Variants in SAP130 observed in about 807,000 individuals in gnomAD.
The protein encoded by SAP130 is Sin3A associated protein 130.
SAP130 carries 16 observed loss-of-function variants against 103.2 expected under a neutral mutation model. The observed-to-expected ratio is 0.16, with a 90% CI of 0.10 to 0.24. The LOEUF (loss-of-function observed/expected upper bound fraction) is 0.24, where lower values mean the gene tolerates loss of function less well. Among genes scored for constraint, SAP130 ranks in the 10% least tolerant of loss-of-function variants. The pLI is 1.00. For missense variants in SAP130, 990 were observed against 1,359.7 expected, an observed-to-expected ratio of 0.73 and a Z score of 4.28; for synonymous variants, 477 against 497.0, an observed-to-expected ratio of 0.96 and a Z score of 0.53.
intron 7 of SAP130, among the ~76,000 whole-genome samples, chr2:128,001,190 A>C (rs1683533765): frequency 6.6e-6 from 1 of 152,230 alleles, no homozygotes; most frequent in Admixed American, 6.5e-5. Context: ...GTAGCAAGCT[A>C]CTGAAATGGC....
At chr2:128,001,353 G>A (rs773897819) in intron 7 of SAP130, among the ~76,000 whole-genome samples, 2 of 152,332 alleles carry the variant, frequency 1.3e-5, no homozygotes, top group Admixed American at 6.5e-5. Flanking sequence ...CTGGGCGACA[G>A]AGTGAGACCC....
At chr2:127,993,390 T>C (rs994415184) in intron 11 of SAP130, 82 bp from the exon 12 acceptor site, 9 of 1,440,836 alleles carry the variant, frequency 6.2e-6, no homozygotes, top group African/African-American at 1.4e-5. Context: ...AGTTCCTCTT[T>C]GTGTCCTTCA....
At chr2:128,012,472 A>G (rs1280784773) in intron 6 of SAP130, among the ~76,000 whole-genome samples, 1 of 152,170 alleles carries the variant, frequency 6.6e-6, no homozygotes, top group African/African-American at 2.4e-5. Flanking sequence ...TGTCTCAAAA[A>G]ACAAAAACAA....
intron 7 of SAP130, among the ~76,000 whole-genome samples, chr2:128,004,386 T>C (rs915452294): frequency 5.6e-5 from 8 of 141,776 alleles, no homozygotes; most frequent in Non-Finnish European, 9.1e-5. Context: ...TTTTTTTTTT[T>C]TTAAAGCGAT....
intron 19 of SAP130, 49 bp downstream of exon 19, chr2:127,945,407 G>A (rs1277062857): frequency 1.8e-6 from 2 of 1,121,452 alleles, no homozygotes; most frequent in Admixed American, 3.4e-5. Context: ...TATCTGCAGT[G>A]TCTTCTCCTC....
At chr2:128,021,347 C>T (rs1472958182) in intron 2 of SAP130, among the ~76,000 whole-genome samples, 1 of 150,358 alleles carries the variant, frequency 6.7e-6, no homozygotes, top group African/African-American at 2.4e-5. Flanking sequence ...CTTGGGAGGC[C>T]GAGGCAGCAG....
Position 127,951,143 on chromosome 2 carries a change from C to A in SAP130, c.2423-735G>T, listed in dbSNP as rs539620151. ...GTCACACAAGTATGAAGTGGGCAAG[C>A]TGGGATTGACAGAGGCAGTCTGGCT... On this transcript the variant is annotated intron_variant, in intron 16 of 20. Coordinates refer to ENST00000643581, the MANE Select transcript of SAP130 (RefSeq NM_001330301.2). Among the ~76,000 whole-genome samples the A allele has an allele frequency of 7.9e-5, 12 of 152,276 alleles. No individual in the cohort carries two copies. In the East Asian group the frequency reaches 2.3e-3, roughly 29 times the overall value.
chr2:127,971,735 T>A (rs1681108109), intron 15 of SAP130, among the ~76,000 whole-genome samples: 1 of 152,142 alleles, frequency 6.6e-6, no homozygotes, highest in African/African-American at 2.4e-5. Flanking sequence ...ACTCCAGGAG[T>A]CTTTTGTATT....
chr2:127,948,328 GTTTTTTTTTTT>G lies in SAP130; in HGVS notation c.2797+1530_2797+1540del, dbSNP rs71307269. On this transcript the variant is annotated intron_variant, in intron 18 of 20. Transcript: ENST00000643581. Reference sequence around the variant, plus strand: ...TTTGTTTCTCTTTTCTTTCCTGTGAGTTTTTTTTTTTTTTTTTTTTTTTGAGACAGAGTCTT... The same window carrying G: ...TTTGTTTCTCTTTTCTTTCCTGTGAGTTTTTTTTTTTTGAGACAGAGTCTT... 4.9e-5 allele frequency among the ~76,000 whole-genome samples: 5 copies of G among 101,544 alleles called. No homozygotes were observed. The South Asian group carries it at 9.6e-4, about 20-fold the overall frequency. The allele number at this position is 101,544 out of a possible 152,430, so 66.6% of individuals were successfully genotyped here. A position where few individuals can be genotyped will look rare whatever the true frequency, so the allele number is the denominator to read the frequency against.
At chr2:127,952,036 C>A (rs1233274926) in intron 16 of SAP130, among the ~76,000 whole-genome samples, 5 of 152,240 alleles carry the variant, frequency 3.3e-5, no homozygotes, top group Non-Finnish European at 7.3e-5. Flanking sequence ...ACACAAATCC[C>A]ACCCACTCTC....
At chr2:127,957,239 T>C (rs1407978138) in intron 15 of SAP130, among the ~76,000 whole-genome samples, 1 of 152,038 alleles carries the variant, frequency 6.6e-6, no homozygotes, top group African/African-American at 2.4e-5. Flanking sequence ...GAGTCTGAAG[T>C]TGCAATGAGC....
intron 14 of SAP130, among the ~76,000 whole-genome samples, chr2:127,979,296 C>A (rs1049187054): frequency 6.6e-6 from 1 of 152,124 alleles, no homozygotes; most frequent in African/African-American, 2.4e-5. Context: ...GGGGAACTGA[C>A]CCTGATGACA....
rs1379422219 is a variant in SAP130, at chr2:127,955,167, G to A, written c.2241C>T (p.Ala747=). 4.3e-6 allele frequency: 7 copies of A among 1,614,034 alleles called. No individual in the cohort carries two copies. Among genetic ancestry groups the A allele is most frequent in the Non-Finnish European group, 5.9e-6 (7 of 1,180,042 alleles). ...CTCCAGGAATGGTTGAAAGGGCAAC[G>A]GCTGGTTGTGACGGGGGACTGGCTG... ...IAAASPPSQP[A]VALSTIPGAV... The change falls in exon 16 of 21, where the codon GCC becomes GCT. Residue 747 remains alanine (A), a synonymous_variant. Coordinates refer to ENST00000643581, the MANE Select transcript of SAP130 (RefSeq NM_001330301.2). The surrounding 1 kb of genome is among the most constrained non-coding windows in gnomAD (Gnocchi z 4.9).
intron 7 of SAP130, among the ~76,000 whole-genome samples, chr2:128,001,638 C>G (rs754164908): frequency 6.6e-5 from 10 of 152,140 alleles, no homozygotes; most frequent in Non-Finnish European, 1.3e-4. Flanking sequence ...CAACTGCCTA[C>G]AGTATTCAGT....
In SAP130 at chr2:127,942,661, C is replaced by T. The variant is rs17015685; in HGVS notation, c.2902-124G>A. On this transcript the variant is annotated intron_variant, in intron 19 of 20. Transcript: ENST00000643581. The surrounding 1 kb of genome is among the most constrained non-coding windows in gnomAD (Gnocchi z 4.8). ...CTAAGAGTTGTTTGGGTGACAACGT[C>T]CTTTCTCCTAAGGACTAAGATACTA... 66,262 of 643,952 alleles carry T rather than the reference C, an allele frequency of 0.1. 4,202 individuals carry two copies. Among genetic ancestry groups the T allele is most frequent in the South Asian group, 0.21 (11,273 of 53,850 alleles). The allele number at this position is 643,952 out of a possible 1,614,324, so 39.9% of individuals were successfully genotyped here.
At chr2:127,971,718 G>A (rs1201202935) in intron 15 of SAP130, among the ~76,000 whole-genome samples, 1 of 152,080 alleles carries the variant, frequency 6.6e-6, no homozygotes, top group African/African-American at 2.4e-5. Flanking sequence ...TTCATGTTTT[G>A]CCATTTACTC....
chr2:127,987,101 GAGC>G, intron 13 of SAP130, 139 bp from the exon 14 acceptor site: 1 of 717,940 alleles, frequency 1.4e-6, no homozygotes. Context: ...TAAGGGACAG[GAGC>G]ACAATGTTCA....
At position 127,941,798 on chromosome 2, in the gene SAP130, C is replaced by T; in HGVS notation, c.*208G>A. 7 of 557,804 alleles carry T rather than the reference C, an allele frequency of 1.3e-5. No homozygotes were observed. The highest frequency in any genetic ancestry group is 3.6e-5 in the Admixed American group (1 of 27,750). The allele number at this position is 557,804 out of a possible 1,614,324, so 34.6% of individuals were successfully genotyped here. On this transcript the variant is annotated 3_prime_UTR_variant, in exon 21 of 21. Transcript: ENST00000643581. ...ACACAGATCAGGTTTAACAGGGGTG[C>T]ACCCGAACGCAAGAAGGCAGCTCAC... is the stretch of plus-strand genomic sequence containing the variant.
In SAP130 at chr2:127,941,744, G is replaced by T; in HGVS notation, c.*262C>A. Reference sequence around the variant, plus strand: ...ATCCTTGTCATTGCTTCCAACTGGTGGACACTGATGCATCCGGAGTCACTT... The same window carrying T: ...ATCCTTGTCATTGCTTCCAACTGGTTGACACTGATGCATCCGGAGTCACTT... On this transcript the variant is annotated 3_prime_UTR_variant, in exon 21 of 21. Transcript: ENST00000643581. 2.2e-6 allele frequency: 1 copy of T among 453,876 alleles called. No homozygotes were observed. Among genetic ancestry groups the T allele is most frequent in the Non-Finnish European group, 3.9e-6 (1 of 259,154 alleles). The allele number at this position is 453,876 out of a possible 1,614,324, so 28.1% of individuals were successfully genotyped here. A position where few individuals can be genotyped will look rare whatever the true frequency, so the allele number is the denominator to read the frequency against.
Sources: gnomAD v4.1 joint callset for allele counts (sites outside exome capture counted in the v4.1 genomes callset) on GRCh38, gnomAD v4.1.1 for gene constraint, Gnocchi (gnomAD v3.1) non-coding constraint, MANE v1.5 for transcripts, NCBI Gene and HGNC (gene_info 2026-07-23, HGNC 2026-07-21) for gene names.